The following ZNF497 variants were observed in gnomAD, a reference collection of about 807,000 sequenced individuals.
The protein encoded by ZNF497 is zinc finger protein 497.
For missense variants in ZNF497, 930 were observed against 714.0 expected (o/e 1.30, Z -3.45); for synonymous variants, 422 against 313.7 (o/e 1.35, Z -3.65).
chr19:58,358,369 C>G (rs548624139), intron 2 of ZNF497, 120 bp downstream of exon 2: 304 of 1,212,820 alleles, frequency 2.5e-4, no homozygotes, highest in Non-Finnish European at 3.2e-4. Context: ...CTTCCCACAG[C>G]GAAGTCTCTA....
chr19:58,357,139 T>C lies in ZNF497; in HGVS notation c.497A>G (p.Glu166Gly). 1 of 1,602,064 alleles carries C rather than the reference T, an allele frequency of 6.2e-7. No homozygotes were observed. The change falls in exon 3 of 3, where the codon GAG becomes GGG. Residue 166 changes from glutamate to glycine, a missense_variant. Transcript: ENST00000311044. ...GTGCGCGCGGAAGGCCTTGCCGCAC[T>C]CCCTGCAAGCGTAGGGCTTCTCGCC... Reference protein sequence around the residue: ...HSGEKPYACRECGKAFRAHSQ... With the variant: ...HSGEKPYACRGCGKAFRAHSQ...
intron 1 of ZNF497, chr19:58,359,196 C>T (rs1410333032): frequency 2.3e-6 from 3 of 1,290,772 alleles, no homozygotes; most frequent in African/African-American, 1.5e-5. Context: ...GGCTCACCCA[C>T]CATCAGTTCC....
intron 1 of ZNF497, among the ~76,000 whole-genome samples, chr19:58,361,904 C>T (rs2052098076): frequency 1.3e-5 from 2 of 152,194 alleles, no homozygotes. Flanking sequence ...GTGTGCGACC[C>T]CGACCCGCCA....
chr19:58,362,665 G>C lies in ZNF497; in HGVS notation c.-112+12C>G, dbSNP rs1321447004. The stretch of plus-strand genomic sequence containing the variant: ...CTGTGCCTGGCCGAGGGTGTCCGTC[G>C]GCGTCACTCACCGTCCTCGGCCCGC... On this transcript the variant is annotated intron_variant, in intron 1 of 2. Coordinates refer to ENST00000311044, the MANE Select transcript of ZNF497 (RefSeq NM_198458.3). 6.6e-6 allele frequency: 1 copy of C among 152,142 alleles called. No homozygotes were observed. Among genetic ancestry groups the C allele is most frequent in the Non-Finnish European group, 1.5e-5 (1 of 68,010 alleles). 9.4% of individuals were successfully genotyped at this position (152,142 alleles called of 1,614,324 possible).
chr19:58,358,384 G>A, intron 2 of ZNF497, 105 bp downstream of exon 2: 2 of 1,176,230 alleles, frequency 1.7e-6, no homozygotes, highest in Non-Finnish European at 2.2e-6. Flanking sequence ...TCTCTACAGC[G>A]AGCAAAACCC....
Position 58,357,085 on chromosome 19 carries a change from T to C in ZNF497, c.551A>G (p.His184Arg), listed in dbSNP as rs1310654306. The change falls in exon 3 of 3, where the codon CAC (histidine) becomes CGC (arginine). Residue 184 changes from histidine to arginine, a missense_variant. Transcript: ENST00000311044. ...GCAGCGGAAGGGCTTCAGGCCGCTG[T>C]GTGTCTCCTGGTGGTGGATGAGCTG... ...HSQLIHHQET[H>R]SGLKPFRCPD... 6.2e-7 allele frequency: 1 copy of C among 1,608,448 alleles called. No homozygotes were observed. The highest frequency in any genetic ancestry group is 2.2e-5 in the East Asian group (1 of 44,792).
intron 2 of ZNF497, chr19:58,357,925 C>T (rs1193166901): frequency 7.4e-6 from 10 of 1,353,664 alleles, no homozygotes; most frequent in African/African-American, 4.4e-5. Context: ...GCCAGCATCG[C>T]AGAAGGACTC....
chr19:58,359,535 C>A, intron 1 of ZNF497: 1 of 451,114 alleles, frequency 2.2e-6, no homozygotes, highest in South Asian at 1.6e-5. Flanking sequence ...CGCCTCCCCG[C>A]TTTTCTTGAG....
chr19:58,359,992 A>G (rs926841928), intron 1 of ZNF497, among the ~76,000 whole-genome samples: 1 of 152,182 alleles, frequency 6.6e-6, no homozygotes, highest in Non-Finnish European at 1.5e-5. Flanking sequence ...AAAAGAGAAT[A>G]AATACTGATA....
chr19:58,359,178 TG>T (rs754998581), intron 1 of ZNF497: 212 of 1,291,134 alleles, frequency 1.6e-4, no homozygotes, highest in South Asian at 3.2e-4. Context: ...CCAGGGCTCT[TG>T]GAGCTGGGCT....
Position 58,357,118 on chromosome 19 carries a change from G to A in ZNF497, c.518C>T (p.Ala173Val). Reference protein sequence around the residue: ...ACRECGKAFRAHSQLIHHQET... With the variant: ...ACRECGKAFRVHSQLIHHQET... ...CTGGTGGTGGATGAGCTGCGAGTGC[G>A]CGCGGAAGGCCTTGCCGCACTCCCT... Residue 173 changes from alanine (A) to valine (V), a missense_variant, in exon 3 of 3, where the codon GCG becomes GTG. Coordinates refer to ENST00000311044, the MANE Select transcript of ZNF497 (RefSeq NM_198458.3). 1 of 1,606,848 alleles carries A rather than the reference G, an allele frequency of 6.2e-7. No individual in the cohort carries two copies. Among genetic ancestry groups the A allele is most frequent in the Non-Finnish European group, 8.5e-7 (1 of 1,175,798 alleles).
At position 58,358,471 on chromosome 19, in the gene ZNF497, G is replaced by C. The variant is rs1599913156; in HGVS notation, c.-15+18C>G. The C allele has an allele frequency of 1.8e-6, 2 of 1,085,472 alleles. No homozygotes were observed. The highest frequency in any genetic ancestry group is 2.3e-6 in the Non-Finnish European group (2 of 888,226). 67.2% of individuals were successfully genotyped at this position (1,085,472 alleles called of 1,614,324 possible). ...CTGCCAAGGCAGGGCAGGGACAAGT[G>C]TGTAGATGGTGCCATACCTGGAGGT... is the stretch of plus-strand genomic sequence containing the variant. On this transcript the variant is annotated intron_variant, in intron 2 of 2. Transcript: ENST00000311044.
Position 58,357,302 on chromosome 19 carries a change from C to T in ZNF497, c.334G>A (p.Gly112Ser), listed in dbSNP as rs1489206014. The stretch of plus-strand genomic sequence containing the variant: ...TAAGAGCCCTGGCTGAACGCCTTGC[C>T]GCACTCCCCGCACCGGCAGCCCGGC... ...EEPGCRCGEC[G>S]KAFSQGSYLL... Residue 112 changes from glycine (G) to serine (S), a missense_variant, in exon 3 of 3, where the codon GGC (glycine) becomes AGC (serine). Coordinates refer to ENST00000311044, the MANE Select transcript of ZNF497 (RefSeq NM_198458.3). 7 of 1,609,190 alleles carry T rather than the reference C, an allele frequency of 4.4e-6. No homozygotes were observed. Among genetic ancestry groups the T allele is most frequent in the African/African-American group, 1.3e-5 (1 of 74,836 alleles).
intron 1 of ZNF497, chr19:58,358,874 A>G (rs1328508697): frequency 2.2e-6 from 1 of 456,510 alleles, no homozygotes; most frequent in Admixed American, 2.4e-5. Flanking sequence ...GGGGAAGCAC[A>G]CCCAGCCCCC....
chr19:58,357,316 C>A lies in ZNF497; in HGVS notation c.320G>T (p.Arg107Leu). Reference sequence around the variant, plus strand: ...GAACGCCTTGCCGCACTCCCCGCACCGGCAGCCCGGCTCCTCTGGGAGAGG... The same window carrying A: ...GAACGCCTTGCCGCACTCCCCGCACAGGCAGCCCGGCTCCTCTGGGAGAGG... Reference protein sequence around the residue: ...PSPLPEEPGCRCGECGKAFSQ... With the variant: ...PSPLPEEPGCLCGECGKAFSQ... The change falls in exon 3 of 3, where the codon CGG becomes CTG. Residue 107 changes from arginine to leucine, a missense_variant. Transcript: ENST00000311044. 1 of 1,605,708 alleles carries A rather than the reference C, an allele frequency of 6.2e-7. No homozygotes were observed.
chr19:58,359,885 C>G (rs113374033), intron 1 of ZNF497, among the ~76,000 whole-genome samples: 18 of 151,796 alleles, frequency 1.2e-4, no homozygotes, highest in African/African-American at 4.4e-4. Context: ...AGGCAGAGAA[C>G]TGCTTGAACC....
In ZNF497 at chr19:58,357,517, GC is replaced by G. The variant is rs750910009; in HGVS notation, c.118del (p.Ala40ProfsTer148). ...CGGAACCTCCGTGGAGTTTTCCCAG[GC>G]CCCCCAGCCTCCAGACACAGCCCCC... is the stretch of plus-strand genomic sequence containing the variant. ...SEGAVSGGWG[A>X]WENSTEVPRE... On this transcript the variant is annotated frameshift_variant, in exon 3 of 3. Transcript: ENST00000311044. 8 of 1,603,170 alleles carry G rather than the reference GC, an allele frequency of 5.0e-6. No homozygotes were observed. The highest frequency in any genetic ancestry group is 1.7e-5 in the Admixed American group (1 of 58,558).
rs774906099 is a variant in ZNF497 at position 58,356,129 on chromosome 19, C to T, written c.*10G>A. 5 of 1,526,022 alleles carry T rather than the reference C, an allele frequency of 3.3e-6. No homozygotes were observed. The highest frequency in any genetic ancestry group is 2.1e-5 in the Admixed American group (1 of 48,674). The allele number at this position is 1,526,022 out of a possible 1,614,324, so 94.5% of individuals were successfully genotyped here. On this transcript the variant is annotated 3_prime_UTR_variant, in exon 3 of 3. Transcript: ENST00000311044. Reference sequence around the variant, plus strand: ...TGTGTCCGCGACCTCCCGCTCAGGGCGTCCTCGGGTCAGGGCGCAGCGCGG... The same window carrying T: ...TGTGTCCGCGACCTCCCGCTCAGGGTGTCCTCGGGTCAGGGCGCAGCGCGG...
chr19:58,357,883 A>ACCCGG (rs1568559498), intron 2 of ZNF497: 17 of 1,365,154 alleles, frequency 1.2e-5, no homozygotes, highest in African/African-American at 1.5e-5. Flanking sequence ...ACATCCCCAC[A>ACCCGG]CCCGGCCCGG....
Sources: gnomAD v4.1 joint callset for allele counts (sites outside exome capture counted in the v4.1 genomes callset) on GRCh38, gnomAD v4.1.1 for gene constraint, MANE v1.5 for transcripts, NCBI Gene and HGNC (gene_info 2026-07-23, HGNC 2026-07-21) for gene names.